ZNF397: variants seen among roughly 807,000 people sequenced by gnomAD.
ZNF397 encodes the protein zinc finger and SCAN domain-containing protein 15.
Under a neutral mutation model 50.6 loss-of-function variants are expected in ZNF397, and 38 were observed. The ratio of observed to expected loss-of-function variants is 0.75; its 90% CI spans 0.58 to 0.98. ZNF397 has a LOEUF of 0.98. ZNF397 is among the 50% of genes least tolerant of loss of function. The pLI, the probability that ZNF397 is intolerant of heterozygous loss-of-function variation, is 0.00. For synonymous variants in ZNF397, 228 were observed against 215.2 expected (o/e 1.06, Z -0.52); for missense variants, 624 against 624.1 (o/e 1.00, Z 0.00).
At chr18:35,253,278 T>C (rs1170569151), downstream of ZNF397, 2 of 505,224 alleles carry the variant, frequency 4.0e-6, no homozygotes, top group East Asian at 3.1e-5. Flanking sequence ...TTTTCTTCCA[T>C]TTAACACTTC....
At chr18:35,251,703 G>T (rs530837960), downstream of ZNF397, 2 of 152,098 alleles carry the variant, frequency 1.3e-5, no homozygotes, top group African/African-American at 4.8e-5. Flanking sequence ...TTGCCACCTT[G>T]TGAAGAAGGT....
intron 3 of ZNF397, 122 bp from the exon 4 acceptor site, chr18:35,245,136 GAAAA>G: frequency 3.1e-6 from 4 of 1,293,034 alleles, no homozygotes; most frequent in Non-Finnish European, 4.1e-6. Flanking sequence ...TTGGCCAGTT[GAAAA>G]AAAAGATACT....
Position 35,245,488 on chromosome 18 carries a change from G to A in ZNF397, c.783G>A (p.Glu261=). 26 of 1,552,600 alleles carry A rather than the reference G, an allele frequency of 1.7e-5. No individual in the cohort carries two copies. Among genetic ancestry groups the A allele is most frequent in the Non-Finnish European group, 2.3e-5 (26 of 1,147,294 alleles). Residue 261 remains glutamate, a synonymous_variant, in exon 4 of 4, where the codon GAG becomes GAA. Transcript: ENST00000330501. The part of the protein sequence containing the change: ...KSLGKRDLYD[E]AERCLILTTD... ...TAGGAAAGAGAGACCTTTATGATGA[G>A]GCTGAAAGATGCTTGATTCTAACTA...
chr18:35,242,891 A>C lies in ZNF397; in HGVS notation c.414+7A>C, dbSNP rs200667946. On this transcript the variant is annotated splice_region_variant and intron_variant, in intron 2 of 3. Transcript: ENST00000330501. ...TGATGACCCAGGGCAGCAGGTGGGA[A>C]CGGAGAAAAGTGATGTGGGAAAAGG... The C allele has an allele frequency of 5.6e-6, 9 of 1,593,314 alleles. No homozygotes were observed. In the South Asian group the frequency reaches 9.0e-5, roughly 16 times the overall value.
At chr18:35,251,057 C>G (rs879729271), downstream of ZNF397, 8 of 152,168 alleles carry the variant, frequency 5.3e-5, no homozygotes, top group Non-Finnish European at 1.0e-4. Flanking sequence ...AATTTCAAAG[C>G]AAACTTTTAA....
Position 35,246,092 on chromosome 18 carries a change from A to G in ZNF397, c.1387A>G (p.Ser463Gly). The change falls in exon 4 of 4, where the codon AGT becomes GGT. Residue 463 changes from serine to glycine, a missense_variant. Ser to Gly is a moderately conservative substitution (Grantham distance 56). Transcript: ENST00000330501. ...YECSECGKAFSLSSNLIRHQR... is the reference protein window; with the variant it reads ...YECSECGKAFGLSSNLIRHQR... ...ATGTAGTGAATGTGGAAAAGCTTTC[A>G]GTTTGAGCTCAAACCTTATCAGACA... The G allele has an allele frequency of 6.4e-7, 1 of 1,555,318 alleles. No individual in the cohort carries two copies.
intron 3 of ZNF397, among the ~76,000 whole-genome samples, chr18:35,244,882 G>A (rs530763152): frequency 9.9e-5 from 15 of 152,010 alleles, no homozygotes; most frequent in Non-Finnish European, 2.1e-4. Context: ...GTGAGGTTGC[G>A]AAACCACTTG....
chr18:35,254,298 C>G, downstream of ZNF397: 1 of 1,614,068 alleles, frequency 6.2e-7, no homozygotes, highest in Non-Finnish European at 8.5e-7. Context: ...GGAAGTTTTC[C>G]CGGCGATATC....
chr18:35,256,727 C>T (rs1412195672), intron 5 of ZNF397, among the ~76,000 whole-genome samples: 2 of 152,022 alleles, frequency 1.3e-5, no homozygotes, highest in Non-Finnish European at 2.9e-5. Context: ...AGAAATAAGG[C>T]ACAGGTATCT....
Position 35,247,281 on chromosome 18 carries a change from C to A in ZNF397, c.*971C>A. The A allele has an allele frequency of 1.5e-6, 1 of 646,356 alleles. No homozygotes were observed. The highest frequency in any genetic ancestry group is 1.9e-6 in the Non-Finnish European group (1 of 520,216). The allele number at this position is 646,356 out of a possible 1,614,324, so 40.0% of individuals were successfully genotyped here. ...AAGAGCTTTGTCTTGGTTTATGTGA[C>A]CCCAGGGAAAGGGCAAATATGTGGT... On this transcript the variant is annotated 3_prime_UTR_variant, in exon 4 of 4. Coordinates refer to ENST00000330501, the MANE Select transcript of ZNF397 (RefSeq NM_001135178.3).
chr18:35,258,445 GTATTT>G (rs1194610318), downstream of ZNF397: 1 of 158,106 alleles, frequency 6.3e-6, no homozygotes, highest in African/African-American at 2.4e-5. Context: ...TCTCATTAGA[GTATTT>G]TATTTTGTCT....
At chr18:35,250,769 G>GA (rs2043566041), downstream of ZNF397, among the ~76,000 whole-genome samples, 4 of 152,188 alleles carry the variant, frequency 2.6e-5, no homozygotes, top group Admixed American at 2.6e-4. Flanking sequence ...AAAGGGAAGA[G>GA]AGAGTCCTAA....
intron 3 of ZNF397, among the ~76,000 whole-genome samples, 177 bp from the exon 4 acceptor site, chr18:35,245,085 T>G (rs1418429778): frequency 6.6e-6 from 1 of 152,150 alleles, no homozygotes; most frequent in African/African-American, 2.4e-5. Flanking sequence ...GAATTCGAAG[T>G]GTAGATGTAG....
In ZNF397 at chr18:35,242,735, A is replaced by G; in HGVS notation, c.265A>G (p.Ile89Val). ...LMPELHTKEQ[I>V]LELLVLEQFL... ...GCCAGAGTTGCACACAAAGGAGCAG[A>G]TCTTAGAACTGCTGGTACTGGAGCA... The change falls in exon 2 of 4, where the codon ATC becomes GTC. Residue 89 changes from isoleucine (I) to valine (V), a missense_variant. Physicochemically the swap from Ile to Val is conservative, Grantham distance 29 (BLOSUM62 3). Coordinates refer to ENST00000330501, the MANE Select transcript of ZNF397 (RefSeq NM_001135178.3). The G allele has an allele frequency of 1.2e-6, 2 of 1,614,230 alleles. No homozygotes were observed. The highest frequency in any genetic ancestry group is 1.7e-6 in the Non-Finnish European group (2 of 1,180,022).
downstream of ZNF397, chr18:35,254,037 G>A (rs368489177): frequency 1.2e-6 from 2 of 1,614,052 alleles, no homozygotes; most frequent in Non-Finnish European, 1.7e-6. Flanking sequence ...CACTCATAGA[G>A]CTTTTCCCTA....
At chr18:35,253,261 G>T (rs1022880617), downstream of ZNF397, 1 of 472,794 alleles carries the variant, frequency 2.1e-6, no homozygotes, top group Non-Finnish European at 3.7e-6. Flanking sequence ...GAAGACTTGG[G>T]TAACATTTTT....
chr18:35,254,234 T>G, downstream of ZNF397: 1 of 1,614,108 alleles, frequency 6.2e-7, no homozygotes, highest in South Asian at 1.1e-5. Context: ...CTTCTTAGAG[T>G]TGTCCAGACC....
At chr18:35,258,220 AC>A in exon 6 of ZNF397, 1 of 516,662 alleles carries the variant, frequency 1.9e-6, no homozygotes, top group Non-Finnish European at 3.5e-6. Flanking sequence ...CTTAACAGGA[AC>A]CCAGTCAAGG....
downstream of ZNF397, chr18:35,251,413 C>T (rs558851994): frequency 6.6e-6 from 1 of 152,156 alleles, no homozygotes; most frequent in Admixed American, 6.5e-5. Context: ...TCCCTTTAGA[C>T]TTCTGATCGA....
Sources: gnomAD v4.1 joint callset for allele counts (sites outside exome capture counted in the v4.1 genomes callset) on GRCh38, gnomAD v4.1.1 for gene constraint, MANE v1.5 for transcripts, NCBI Gene and HGNC (gene_info 2026-07-23, HGNC 2026-07-21) for gene names.